Variants in EYS observed in about 807,000 individuals in gnomAD.
EYS encodes the protein EGF-like photoreceptor maintenance factor, also known as protein eyes shut homolog.
In EYS, 250 loss-of-function variants were observed where a neutral mutation model predicts 282.1. The observed-to-expected ratio is 0.89, with a 90% CI of 0.80 to 0.98. The LOEUF (loss-of-function observed/expected upper bound fraction) is 0.98, where lower values mean the gene tolerates loss of function less well. Ranked by LOEUF, EYS falls within the 50% of genes least tolerant of loss-of-function variation. The pLI is 0.00. For synonymous variants in EYS, 1,355 were observed against 1,282.9 expected (o/e 1.06, Z -1.20); for missense variants, 4,016 against 3,709.0 (o/e 1.08, Z -2.15).
intron 12 of EYS, among the ~76,000 whole-genome samples, chr6:65,213,810 A>G (rs1052960860): frequency 1.3e-5 from 2 of 152,134 alleles, no homozygotes; most frequent in Non-Finnish European, 2.9e-5. Context: ...AAGGAAGAGT[A>G]GTGCACCTCT....
At chr6:63,862,239 G>A (rs1389966662) in intron 36 of EYS, among the ~76,000 whole-genome samples, 1 of 151,816 alleles carries the variant, frequency 6.6e-6, no homozygotes, top group African/African-American at 2.4e-5. Flanking sequence ...ATTGTGTTTT[G>A]AGCCATTTTT....
chr6:65,605,169 A>G (rs1765744068), intron 2 of EYS, among the ~76,000 whole-genome samples: 1 of 151,760 alleles, frequency 6.6e-6, no homozygotes, highest in South Asian at 2.1e-4. Flanking sequence ...AAATTTTCAT[A>G]ATAAAATGTT....
chr6:65,377,375 C>G (rs1765409628), intron 8 of EYS, among the ~76,000 whole-genome samples: 1 of 152,030 alleles, frequency 6.6e-6, no homozygotes, highest in Non-Finnish European at 1.5e-5. Context: ...AGCTAAAGCA[C>G]TATTTACAGG....
chr6:65,413,924 T>C (rs1488515933), intron 5 of EYS, among the ~76,000 whole-genome samples: 2 of 152,106 alleles, frequency 1.3e-5, no homozygotes, highest in Non-Finnish European at 2.9e-5. Context: ...TCAGTTCAGA[T>C]AATGTTCTAA....
chr6:65,361,489 CT>C lies in EYS; in HGVS notation c.1300-7873del, dbSNP rs56757711. Reference sequence around the variant, plus strand: ...CCTTCCTTCTTTCGTTCGTTCGTTCCTTTTTTTTTTGGTCTGTGTCTCTCTC... The same window carrying C: ...CCTTCCTTCTTTCGTTCGTTCGTTCCTTTTTTTTTGGTCTGTGTCTCTCTC... On this transcript the variant is annotated intron_variant, in intron 8 of 42. Coordinates refer to ENST00000503581, the MANE Select transcript of EYS (RefSeq NM_001142800.2). Among the ~76,000 whole-genome samples, 956 of 147,478 alleles carry C rather than the reference CT, an allele frequency of 6.5e-3. 18 individuals are homozygous for C. Among genetic ancestry groups the C allele is most frequent in the African/African-American group, 0.022 (887 of 40,024 alleles).
intron 1 of EYS, among the ~76,000 whole-genome samples, chr6:65,693,950 T>C (rs951235479): frequency 2.0e-5 from 3 of 150,256 alleles, no homozygotes; most frequent in Non-Finnish European, 4.4e-5. Context: ...TTTAAGAATG[T>C]CCTGATTTTG....
intron 12 of EYS, among the ~76,000 whole-genome samples, chr6:65,271,217 G>A (rs1767895282): frequency 6.8e-6 from 1 of 146,364 alleles, no homozygotes; most frequent in Non-Finnish European, 1.5e-5. Flanking sequence ...ACAATCTGCT[G>A]TCTGCCAATT....
intron 22 of EYS, among the ~76,000 whole-genome samples, chr6:64,708,301 A>T (rs1447797631): frequency 6.6e-6 from 1 of 152,230 alleles, no homozygotes; most frequent in Non-Finnish European, 1.5e-5. Context: ...AAGACACTTT[A>T]TATCCAAAGC....
intron 12 of EYS, among the ~76,000 whole-genome samples, chr6:65,171,383 T>C (rs1489620832): frequency 6.6e-6 from 1 of 151,612 alleles, no homozygotes; most frequent in East Asian, 2.0e-4. Context: ...TATTAATTGC[T>C]GATCTTCTTC....
At chr6:65,529,458 TC>T (rs1030189978) in intron 2 of EYS, among the ~76,000 whole-genome samples, 3 of 152,042 alleles carry the variant, frequency 2.0e-5, no homozygotes, top group African/African-American at 7.2e-5. Context: ...AGAACTAAAA[TC>T]CCCTAGAACA....
chr6:65,293,572 GT>G (rs1768585319), intron 12 of EYS, among the ~76,000 whole-genome samples: 1 of 151,854 alleles, frequency 6.6e-6, no homozygotes, highest in Non-Finnish European at 1.5e-5. Flanking sequence ...ACACTCAGAA[GT>G]GAATTTTACA....
At chr6:65,339,315 T>C (rs1394198595) in intron 10 of EYS, among the ~76,000 whole-genome samples, 5 of 151,222 alleles carry the variant, frequency 3.3e-5, no homozygotes, top group African/African-American at 1.2e-4. Flanking sequence ...GAACTTGAAC[T>C]AATAAAAAAT....
chr6:65,456,030 G>GAAGA (rs199572858), intron 5 of EYS, among the ~76,000 whole-genome samples: 2 of 126,416 alleles, frequency 1.6e-5, no homozygotes, highest in Middle Eastern at 4.0e-3. Context: ...GGAAGGAAGG[G>GAAGA]AAGAAAGAAA....
intron 30 of EYS, among the ~76,000 whole-genome samples, chr6:64,302,857 T>C (rs1312555184): frequency 6.6e-6 from 1 of 152,116 alleles, no homozygotes; most frequent in Non-Finnish European, 1.5e-5. Flanking sequence ...TAATGAATGG[T>C]GTGGTACAAA....
chr6:64,011,989 TTCCTCTCCTC>T (rs60358872), intron 33 of EYS, among the ~76,000 whole-genome samples: 3,315 of 134,586 alleles, frequency 0.025, 121 homozygotes, highest in African/African-American at 0.075. Context: ...TAATAAGTTT[TTCCTCTCCTC>T]TCCTCTCCTC....
chr6:63,775,156 T>G (rs2149662825), intron 40 of EYS, among the ~76,000 whole-genome samples: 1 of 152,324 alleles, frequency 6.6e-6, no homozygotes, highest in African/African-American at 2.4e-5. Context: ...TGGATCTGTG[T>G]GTGGTGATGA....
intron 22 of EYS, among the ~76,000 whole-genome samples, chr6:64,726,930 G>A (rs1771776789): frequency 6.6e-6 from 1 of 152,024 alleles, no homozygotes; most frequent in Non-Finnish European, 1.5e-5. Flanking sequence ...ACCTCACACA[G>A]AGAAAAATTG....
chr6:64,850,133 G>A (rs1016239128), intron 19 of EYS, among the ~76,000 whole-genome samples: 18 of 151,968 alleles, frequency 1.2e-4, no homozygotes, highest in Non-Finnish European at 1.8e-4. Context: ...CTAATGTTTA[G>A]ACTCACTTGC....
At chr6:63,735,979 T>G (rs1369769855) in intron 41 of EYS, among the ~76,000 whole-genome samples, 1 of 152,152 alleles carries the variant, frequency 6.6e-6, no homozygotes, top group Non-Finnish European at 1.5e-5. Flanking sequence ...AGCTACATAA[T>G]GTAGACCCGT....
Sources: gnomAD v4.1 joint callset for allele counts (sites outside exome capture counted in the v4.1 genomes callset) on GRCh38, gnomAD v4.1.1 for gene constraint, MANE v1.5 for transcripts, NCBI Gene and HGNC (gene_info 2026-07-23, HGNC 2026-07-21) for gene names.